The following TTN variants were observed in gnomAD, a reference collection of about 807,000 sequenced individuals.
The protein encoded by TTN is titin.
A neutral mutation model predicts 3,223.0 loss-of-function variants in TTN; 1,525 were observed. The observed-to-expected ratio is 0.47, with a 90% confidence interval of 0.45 to 0.49. The LOEUF is 0.49. Ranked by LOEUF, TTN falls within the 20% of genes least tolerant of loss-of-function variation. The pLI, the probability that TTN is intolerant of heterozygous loss-of-function variation, is 0.00. For synonymous variants in TTN, 14,094 were observed against 15,161.0 expected, an observed-to-expected ratio of 0.93 and a Z score of 5.17; for missense variants, 40,786 against 43,424.0, an observed-to-expected ratio of 0.94 and a Z score of 5.40.
intron 166 of TTN, 41 bp downstream of exon 166, chr2:178,664,811 C>A: frequency 6.2e-7 from 1 of 1,610,128 alleles, no homozygotes. Flanking sequence ...CTCAAAACTA[C>A]AAGAGCTAGT....
At position 178,584,671 on chromosome 2, in the gene TTN, A is replaced by C. The variant is rs2048545440; in HGVS notation, c.64970T>G (p.Phe21657Cys). 1 of 1,613,132 alleles carries C rather than the reference A, an allele frequency of 6.2e-7. No homozygotes were observed. Among genetic ancestry groups the C allele is most frequent in the African/African-American group, 1.3e-5 (1 of 74,966 alleles). The stretch of plus-strand genomic sequence containing the variant: ...TTTTCTCCTTCACAAAAACATACCA[A>C]ATGGGAACTGCGCAACCATCTTTGG... ...TSPKMVAQFP[F>C]GVPSEPKNAR... The change falls in exon 310 of 363, where the codon TTT (phenylalanine) becomes TGT (cysteine). Residue 21657 changes from phenylalanine (F) to cysteine (C), a missense_variant and splice_region_variant. Physicochemically the swap from Phe to Cys is radical, Grantham distance 205. Coordinates refer to ENST00000589042, the MANE Select transcript of TTN (RefSeq NM_001267550.2).
At position 178,591,762 on chromosome 2, in the gene TTN, T is replaced by G. The variant is rs1342395614; in HGVS notation, c.60057A>C (p.Glu20019Asp). 10 of 1,613,296 alleles carry G rather than the reference T, an allele frequency of 6.2e-6. No homozygotes were observed. The highest frequency in any genetic ancestry group is 1.7e-5 in the Admixed American group (1 of 59,952). Residue 20019 changes from glutamate (E) to aspartate (D), a missense_variant, in exon 303 of 363, where the codon GAA (glutamate) becomes GAC (aspartate). Glu to Asp is a conservative substitution (Grantham distance 45, BLOSUM62 2). Transcript: ENST00000589042. ...TAAATTTAATCCAGTCCTGGGTGCC[T>G]TCTTCTTGATATTCTACCAAATATC... The part of the protein sequence containing the change: ...ITGYLVEYQE[E>D]GTQDWIKFKT...
At chr2:178,550,573 C>G (rs942867343) in intron 336 of TTN, 4 of 417,350 alleles carry the variant, frequency 9.6e-6, no homozygotes, top group African/African-American at 4.1e-5. Context: ...CACAGTCACA[C>G]AAGTTCTTTT....
intron 88 of TTN, among the ~76,000 whole-genome samples, chr2:178,716,417 T>A (rs763709892): frequency 6.6e-6 from 1 of 152,144 alleles, no homozygotes; most frequent in Non-Finnish European, 1.5e-5. Context: ...CTGCTAAATC[T>A]AATTATATTT....
Position 178,537,490 on chromosome 2 carries a change from GT to G in TTN, c.99716del (p.Asn33239ThrfsTer18). On this transcript the variant is annotated frameshift_variant, in exon 355 of 363. Transcript: ENST00000589042. LOFTEE classifies it high-confidence loss of function. ...TWFHGQKLLQ[N>X]SENITIENTE... ...TGTTTTCAATAGTAATGTTTTCTGA[GT>G]TTTGCAAAAGTTTCTGACCATGGAA... The G allele has an allele frequency of 1.9e-6, 3 of 1,613,656 alleles. No homozygotes were observed. The highest frequency in any genetic ancestry group is 2.5e-6 in the Non-Finnish European group (3 of 1,179,742).
At chr2:178,681,334 C>T (rs751715981) in intron 137 of TTN, 42 bp downstream of exon 137, 5 of 1,560,328 alleles carry the variant, frequency 3.2e-6, no homozygotes, top group East Asian at 2.2e-5. Context: ...TTAGAACATA[C>T]ATAACAAAGT....
intron 106 of TTN, 129 bp downstream of exon 106, chr2:178,704,018 A>C: frequency 8.5e-7 from 1 of 1,176,428 alleles, no homozygotes; most frequent in Non-Finnish European, 1.2e-6. Flanking sequence ...TACTATGAGA[A>C]CGTGTGTTGG....
In TTN at chr2:178,548,453, G is replaced by A; in HGVS notation, c.93173C>T (p.Ala31058Val). ...IHHYVVEKREASRRSWQVISE... is the reference protein window; with the variant it reads ...IHHYVVEKREVSRRSWQVISE... ...GATAACCTGCCAACTACGGCGACTT[G>A]CCTCTCGTTTCTCTACCACATAATG... The change falls in exon 339 of 363, where the codon GCA (alanine) becomes GTA (valine). Residue 31058 changes from alanine (A) to valine (V), a missense_variant. Physicochemically the swap from Ala to Val is moderately conservative, Grantham distance 64. Transcript: ENST00000589042. This position sits in a 1 kb window ranked among gnomAD's most constrained non-coding sequence, Gnocchi z 4.3. The A allele has an allele frequency of 6.2e-7, 1 of 1,613,856 alleles. No individual in the cohort carries two copies. The highest frequency in any genetic ancestry group is 1.7e-5 in the Admixed American group (1 of 60,014).
At chr2:178,556,709 C>G in intron 330 of TTN, 139 bp downstream of exon 330, 1 of 1,005,432 alleles carries the variant, frequency 9.9e-7, no homozygotes, top group African/African-American at 1.6e-5. Flanking sequence ...CCTCAGACTC[C>G]CAGCTAGTCC....
chr2:178,630,940 C>T lies in TTN; in HGVS notation c.44018G>A (p.Arg14673Gln), dbSNP rs764971622. The stretch of plus-strand genomic sequence containing the variant: ...CAGGGGTCGCACCAGTTTAATTTCC[C>T]GATCTAGAAAAGTGAAGGGCCAGCA... ...KTSGKLDIED[R>Q]EIKLVRPLHS... Residue 14673 changes from arginine (R) to glutamine (Q), a missense_variant, in exon 238 of 363, where the codon CGG (arginine) becomes CAG (glutamine). Coordinates refer to ENST00000589042, the MANE Select transcript of TTN (RefSeq NM_001267550.2). 9.9e-6 allele frequency: 16 copies of T among 1,611,204 alleles called. No homozygotes were observed. Among genetic ancestry groups the T allele is most frequent in the Admixed American group, 3.4e-5 (2 of 59,502 alleles).
In TTN at chr2:178,564,418, G is replaced by A; in HGVS notation, c.81714C>T (p.Asp27238=). The change falls in exon 326 of 363, where the codon GAC becomes GAT. Residue 27238 remains aspartate, a synonymous_variant. Coordinates refer to ENST00000589042, the MANE Select transcript of TTN (RefSeq NM_001267550.2). ...CAATTACTCTAAATTCATATCTTTG[G>A]TCTTCTACAAGTCCACTCACTGTAA... is the stretch of plus-strand genomic sequence containing the variant. ...TEFTVSGLVE[D]QRYEFRVIAR... is the part of the protein sequence containing the mutation. The A allele has an allele frequency of 6.2e-7, 1 of 1,613,098 alleles. No homozygotes were observed. Among genetic ancestry groups the A allele is most frequent in the Non-Finnish European group, 8.5e-7 (1 of 1,179,526 alleles).
chr2:178,774,155 C>G (rs2091921629), intron 30 of TTN, 45 bp from the exon 31 acceptor site: 2 of 1,613,902 alleles, frequency 1.2e-6, no homozygotes, highest in African/African-American at 2.7e-5. Context: ...CATTTTTTAT[C>G]AATAAACCAT....
intron 13 of TTN, among the ~76,000 whole-genome samples, chr2:178,786,582 T>C (rs892597696): frequency 9.2e-5 from 14 of 152,172 alleles, no homozygotes; most frequent in Admixed American, 3.3e-4. Flanking sequence ...TGCACTCAAA[T>C]ACCGTCATCA....
intron 135 of TTN, among the ~76,000 whole-genome samples, chr2:178,682,358 T>G (rs1017766510): frequency 6.6e-6 from 1 of 151,990 alleles, no homozygotes; most frequent in Non-Finnish European, 1.5e-5. Context: ...TTTTTAACCA[T>G]GTACTAGAAT....
chr2:178,593,349 G>C lies in TTN; in HGVS notation c.58859C>G (p.Thr19620Ser). Residue 19620 changes from threonine to serine, a missense_variant, in exon 299 of 363, where the codon ACT (threonine) becomes AGT (serine). By Grantham distance (58) the Thr-to-Ser change is moderately conservative. Transcript: ENST00000589042. ...ITNYILEKRE[T>S]MSKRWARVTK... ...AACTCTAGCCCATCGTTTAGACATA[G>C]TTTCTCTCTTTTCCAGGATGTAGTT... is the stretch of plus-strand genomic sequence containing the variant. The C allele has an allele frequency of 1.2e-6, 2 of 1,613,294 alleles. No individual in the cohort carries two copies. The highest frequency in any genetic ancestry group is 1.7e-6 in the Non-Finnish European group (2 of 1,179,522).
Position 178,599,731 on chromosome 2 carries a change from T to C in TTN, c.56170A>G (p.Lys18724Glu), listed in dbSNP as rs1559671221. Residue 18724 changes from lysine to glutamate, a missense_variant, in exon 289 of 363, where the codon AAG becomes GAG. Lys to Glu is a moderately conservative substitution (Grantham distance 56). Transcript: ENST00000589042. ...PTLTWFKAPPKKPDNKEPVLY... is the reference protein window; with the variant it reads ...PTLTWFKAPPEKPDNKEPVLY... ...ACAGGTTCTTTGTTATCAGGCTTCT[T>C]TGGAGGAGCTTTAAACCAGGTTAGT... 2.5e-6 allele frequency: 4 copies of C among 1,612,926 alleles called. No individual in the cohort carries two copies. Among genetic ancestry groups the C allele is most frequent in the Non-Finnish European group, 3.4e-6 (4 of 1,179,298 alleles).
At chr2:178,783,603 T>C in intron 17 of TTN, 117 bp downstream of exon 17, 1 of 925,940 alleles carries the variant, frequency 1.1e-6, no homozygotes, top group South Asian at 1.4e-5. Context: ...AATGAGCATC[T>C]GTAAGCTCAC....
intron 135 of TTN, 31 bp downstream of exon 135, chr2:178,682,666 T>C (rs1407933596): frequency 6.4e-7 from 1 of 1,566,954 alleles, no homozygotes; most frequent in Non-Finnish European, 8.7e-7. Context: ...ACATATTTAG[T>C]GTGGTTTTGA....
rs2154146664 is a variant in TTN at position 178,547,430 on chromosome 2, G to A, written c.94196C>T (p.Pro31399Leu). 6.2e-7 allele frequency: 1 copy of A among 1,602,702 alleles called. No individual in the cohort carries two copies. Among genetic ancestry groups the A allele is most frequent in the East Asian group, 2.3e-5 (1 of 44,394 alleles). ...ACCAAATGGATGTTCAGCAATTATT[G>A]GTGCTGATTCTAGAGGTTTGCTGAC... The part of the protein sequence containing the change: ...FGVSKPLESA[P>L]IIAEHPFVPP... Residue 31399 changes from proline to leucine, a missense_variant, in exon 339 of 363, where the codon CCA becomes CTA. Physicochemically the swap from Pro to Leu is moderately conservative, Grantham distance 98. Transcript: ENST00000589042.
Sources: gnomAD v4.1 joint callset for allele counts (sites outside exome capture counted in the v4.1 genomes callset) on GRCh38, gnomAD v4.1.1 for gene constraint, Gnocchi (gnomAD v3.1) non-coding constraint, MANE v1.5 for transcripts, NCBI Gene and HGNC (gene_info 2026-07-23, HGNC 2026-07-21) for gene names.